BAZ2B: variants seen among roughly 807,000 people sequenced by gnomAD.
The protein encoded by BAZ2B is bromodomain adjacent to zinc finger domain 2B, also known as bromodomain adjacent to zinc finger domain protein 2B.
A neutral mutation model predicts 246.0 loss-of-function variants in BAZ2B; 91 were observed. That is an observed-to-expected ratio of 0.37 (90% CI 0.31 to 0.44). The LOEUF (loss-of-function observed/expected upper bound fraction) is 0.44. Ranked by LOEUF, BAZ2B falls within the 20% of genes least tolerant of loss-of-function variation. The pLI is 1.00. For missense variants in BAZ2B, 2,332 were observed against 2,533.7 expected (o/e 0.92, Z 1.71); for synonymous variants, 855 against 860.0 (o/e 0.99, Z 0.10).
At chr2:159,534,537 T>G (rs904878102) in intron 2 of BAZ2B, among the ~76,000 whole-genome samples, 2 of 152,178 alleles carry the variant, frequency 1.3e-5, no homozygotes, top group Non-Finnish European at 2.9e-5. Flanking sequence ...ATGGGACAAC[T>G]GTCATATATA....
At chr2:159,550,025 T>C (rs1199790027) in intron 2 of BAZ2B, among the ~76,000 whole-genome samples, 1 of 152,090 alleles carries the variant, frequency 6.6e-6, no homozygotes, top group Admixed American at 6.5e-5. Flanking sequence ...GGTTTTGCCA[T>C]GTCGGCCAAG....
chr2:159,419,534 T>C (rs1219862350), intron 13 of BAZ2B, among the ~76,000 whole-genome samples: 1 of 152,182 alleles, frequency 6.6e-6, no homozygotes, highest in Non-Finnish European at 1.5e-5. Flanking sequence ...TATTATACCA[T>C]ACACTACATA....
At chr2:159,663,824 G>A in the BAZ2B span, among the ~76,000 whole-genome samples, 1 of 141,634 alleles carries the variant, frequency 7.1e-6, no homozygotes, top group South Asian at 2.3e-4. Context: ...GCTGCCTGTT[G>A]CTAACTTTTA....
intron 8 of BAZ2B, among the ~76,000 whole-genome samples, chr2:159,437,084 G>A (rs935123512): frequency 2.6e-5 from 4 of 152,114 alleles, no homozygotes; most frequent in Admixed American, 1.3e-4. Flanking sequence ...ATAAGTTAAC[G>A]TATGTTCAGC....
At chr2:159,570,912 G>A (rs1478057258) in intron 1 of BAZ2B, among the ~76,000 whole-genome samples, 1 of 152,074 alleles carries the variant, frequency 6.6e-6, no homozygotes, top group Non-Finnish European at 1.5e-5. Context: ...GGAGTGCAGT[G>A]GCACAATCTC....
chr2:159,612,109 C>T (rs1694836832), intron 1 of BAZ2B, among the ~76,000 whole-genome samples: 1 of 151,742 alleles, frequency 6.6e-6, no homozygotes, highest in African/African-American at 2.4e-5. Flanking sequence ...CATTAAATGT[C>T]TACTAGTAAG....
In BAZ2B at chr2:159,381,481, T is replaced by C. The variant is rs561555579; in HGVS notation, c.4005+1078A>G. Reference sequence around the variant, plus strand: ...AATCCTACCACTCTAACAACCTACATAGTCTACCTTCCATCTTCAAGTCCT... The same window carrying C: ...AATCCTACCACTCTAACAACCTACACAGTCTACCTTCCATCTTCAAGTCCT... On this transcript the variant is annotated intron_variant, in intron 25 of 36. Coordinates refer to ENST00000392783, the MANE Select transcript of BAZ2B (RefSeq NM_013450.4). Among the ~76,000 whole-genome samples the C allele has an allele frequency of 2.6e-5, 4 of 152,240 alleles. No homozygotes were observed. The South Asian group carries it at 6.2e-4, about 24-fold the overall frequency.
At chr2:159,383,451 C>T (rs147584123) in intron 24 of BAZ2B, among the ~76,000 whole-genome samples, 155 bp downstream of exon 24, 5 of 151,904 alleles carry the variant, frequency 3.3e-5, no homozygotes, top group Admixed American at 2.0e-4. Context: ...CAAATTCTGC[C>T]CCTGAGTTTT....
chr2:159,618,560 A>G (rs1185816056), upstream of BAZ2B, among the ~76,000 whole-genome samples: 2 of 152,252 alleles, frequency 1.3e-5, no homozygotes, highest in South Asian at 2.1e-4. Flanking sequence ...CCCAAGTCAC[A>G]TACAAAAAAG....
intron 17 of BAZ2B, 43 bp downstream of exon 17, chr2:159,400,556 T>G: frequency 8.1e-7 from 1 of 1,228,534 alleles, no homozygotes. Context: ...CTTAAAAATA[T>G]ATGGCTAAAT....
In BAZ2B at chr2:159,428,036, T is replaced by G; in HGVS notation, c.2371A>C (p.Ser791Arg). ...GAGATATCCATTATTCCATTTCTGC[T>G]GAGATACTGAAAAAATCACATATTT... The part of the protein sequence containing the change: ...RQYPEVIKYL[S>R]RNGIMDISRD... The change falls in exon 13 of 37, where the codon AGC becomes CGC. Residue 791 changes from serine to arginine, a missense_variant. Ser to Arg is a moderately radical substitution (Grantham distance 110). This residue lies in a region of BAZ2B where 651 missense variants were observed against 650.9 expected (regional missense o/e 1.00). Coordinates refer to ENST00000392783, the MANE Select transcript of BAZ2B (RefSeq NM_013450.4). 1 of 1,612,642 alleles carries G rather than the reference T, an allele frequency of 6.2e-7. No homozygotes were observed. The highest frequency in any genetic ancestry group is 8.5e-7 in the Non-Finnish European group (1 of 1,178,994).
chr2:159,545,272 G>A (rs968415548), intron 2 of BAZ2B, among the ~76,000 whole-genome samples: 1 of 152,104 alleles, frequency 6.6e-6, no homozygotes, highest in African/African-American at 2.4e-5. Context: ...TTTTTGCAAT[G>A]ATGCAATGTC....
intron 8 of BAZ2B, chr2:159,435,107 C>T (rs1002789580): frequency 6.6e-6 from 1 of 151,870 alleles, no homozygotes; most frequent in Non-Finnish European, 1.5e-5. Flanking sequence ...CAGACCTGGG[C>T]TCCTAACACT....
chr2:159,670,041 GC>G, the BAZ2B span, among the ~76,000 whole-genome samples: 2 of 151,944 alleles, frequency 1.3e-5, no homozygotes, highest in African/African-American at 4.8e-5. Context: ...TGTGACCTCG[GC>G]TCACTGCAAC....
chr2:159,504,604 G>A (rs189239662), intron 2 of BAZ2B, among the ~76,000 whole-genome samples: 3 of 152,162 alleles, frequency 2.0e-5, no homozygotes, highest in Admixed American at 6.6e-5. Flanking sequence ...CTAAAGGCAG[G>A]GAGTTAGGCA....
the BAZ2B span, among the ~76,000 whole-genome samples, chr2:159,705,308 C>T: frequency 1.6e-4 from 24 of 152,142 alleles, no homozygotes; most frequent in African/African-American, 5.3e-4. Context: ...AGGTGTGAGC[C>T]ACCACGCCCA....
intron 3 of BAZ2B, among the ~76,000 whole-genome samples, chr2:159,477,021 T>C (rs928899467): frequency 1.1e-4 from 17 of 152,140 alleles, no homozygotes; most frequent in African/African-American, 2.4e-5. Flanking sequence ...AAATATATAG[T>C]GCGGCTGGGC....
chr2:159,595,116 T>A (rs1690357181), intron 1 of BAZ2B, among the ~76,000 whole-genome samples: 1 of 151,932 alleles, frequency 6.6e-6, no homozygotes, highest in Non-Finnish European at 1.5e-5. Flanking sequence ...TACTTTTTTT[T>A]TTTTAAACGG....
At chr2:159,450,795 AG>A (rs2074984544) in intron 4 of BAZ2B, among the ~76,000 whole-genome samples, 2 of 150,046 alleles carry the variant, frequency 1.3e-5, no homozygotes, top group African/African-American at 4.9e-5. Flanking sequence ...GCTGGAGTGC[AG>A]TGGCCTGCTA....
Sources: gnomAD v4.1 joint callset for allele counts (sites outside exome capture counted in the v4.1 genomes callset) on GRCh38, gnomAD v4.1.1 for gene constraint, gnomAD v4.1.1 regional missense constraint, MANE v1.5 for transcripts, NCBI Gene and HGNC (gene_info 2026-07-23, HGNC 2026-07-21) for gene names.